The following DGKI variants were observed in gnomAD, a reference collection of about 807,000 sequenced individuals.
DGKI encodes diacylglycerol kinase iota, also known as DAG kinase iota.
A neutral mutation model predicts 147.5 loss-of-function variants in DGKI; 55 were observed. The ratio of observed to expected loss-of-function variants is 0.37; its 90% CI spans 0.30 to 0.47. The LOEUF is 0.47. Among genes scored for constraint, DGKI ranks in the 20% least tolerant of loss-of-function variants. The pLI is 1.00. For missense variants in DGKI, 1,007 were observed against 1,323.8 expected (o/e 0.76, Z 3.71); for synonymous variants, 469 against 477.1 (o/e 0.98, Z 0.22).
chr7:137,747,377 G>C (rs923726636), intron 1 of DGKI, among the ~76,000 whole-genome samples: 1 of 152,170 alleles, frequency 6.6e-6, no homozygotes, highest in Non-Finnish European at 1.5e-5. Flanking sequence ...ATTGAGGCAG[G>C]AAAATAGGGT....
chr7:137,514,694 C>T lies in DGKI; in HGVS notation c.2248+7172G>A, dbSNP rs530289471. Among the ~76,000 whole-genome samples, 241 of 152,254 alleles carry T rather than the reference C, an allele frequency of 1.6e-3. 6 individuals carry two copies. The South Asian group carries it at 0.046, about 29-fold the overall frequency. Reference sequence around the variant, plus strand: ...AATTTTACACTCTTATGCAATACAGCGAATCCATCATCTCATCCTACCAGC... The same window carrying T: ...AATTTTACACTCTTATGCAATACAGTGAATCCATCATCTCATCCTACCAGC... On this transcript the variant is annotated intron_variant, in intron 21 of 32. Transcript: ENST00000614521.
chr7:137,540,141 T>C lies in DGKI; in HGVS notation c.2147+12228A>G, dbSNP rs1047526891. ...AAATCTTGTGGCTCTGAGAGTTTCATTGGTAAATTCTAACAAACATATAAA... is the reference window on the plus strand; with the variant it reads ...AAATCTTGTGGCTCTGAGAGTTTCACTGGTAAATTCTAACAAACATATAAA... On this transcript the variant is annotated intron_variant, in intron 20 of 32. Coordinates refer to ENST00000614521, the MANE Select transcript of DGKI (RefSeq NM_001321708.2). Among the ~76,000 whole-genome samples the C allele has an allele frequency of 9.8e-5, 15 of 152,358 alleles. 1 individual carries two copies. The highest frequency in any genetic ancestry group is 3.4e-4 in the African/African-American group (14 of 41,592).
chr7:137,680,356 A>G (rs1823193982), intron 2 of DGKI, among the ~76,000 whole-genome samples: 1 of 152,226 alleles, frequency 6.6e-6, no homozygotes, highest in South Asian at 2.1e-4. Flanking sequence ...TGACTTCAAT[A>G]AGAAATTCTA....
At chr7:137,711,257 C>G (rs1364280047) in intron 1 of DGKI, among the ~76,000 whole-genome samples, 1 of 152,066 alleles carries the variant, frequency 6.6e-6, no homozygotes, top group Non-Finnish European at 1.5e-5. Context: ...GATATGCACC[C>G]TAGATAATCT....
At chr7:137,444,128 AATATTT>A in intron 27 of DGKI, 26 bp from the exon 28 acceptor site, 1 of 1,267,684 alleles carries the variant, frequency 7.9e-7, no homozygotes, top group African/African-American at 1.5e-5. Context: ...AAGCATGATC[AATATTT>A]TATATGATAA....
intron 1 of DGKI, among the ~76,000 whole-genome samples, chr7:137,733,692 A>T (rs1794946559): frequency 6.6e-6 from 1 of 152,140 alleles, no homozygotes; most frequent in Non-Finnish European, 1.5e-5. Flanking sequence ...ATGAACAATA[A>T]GTAAATCATG....
At chr7:137,520,047 G>A (rs1226520885) in intron 21 of DGKI, among the ~76,000 whole-genome samples, 1 of 151,988 alleles carries the variant, frequency 6.6e-6, no homozygotes, top group Non-Finnish European at 1.5e-5. Context: ...CATATGCTGA[G>A]TAAAGCCCTT....
At chr7:137,645,231 C>A (rs1821783098) in intron 6 of DGKI, among the ~76,000 whole-genome samples, 1 of 152,236 alleles carries the variant, frequency 6.6e-6, no homozygotes, top group African/African-American at 2.4e-5. Flanking sequence ...CAATGAAATT[C>A]ACTGTAAGAA....
At chr7:137,726,470 T>C (rs1291153910) in intron 1 of DGKI, among the ~76,000 whole-genome samples, 1 of 152,224 alleles carries the variant, frequency 6.6e-6, no homozygotes, top group Admixed American at 6.5e-5. Context: ...AAAACAACTC[T>C]GTTAGACCGA....
At chr7:137,503,267 A>G (rs1816245620) in intron 21 of DGKI, among the ~76,000 whole-genome samples, 1 of 152,192 alleles carries the variant, frequency 6.6e-6, no homozygotes, top group Non-Finnish European at 1.5e-5. Context: ...AATTGTGAGC[A>G]GATGCTAATT....
intron 12 of DGKI, among the ~76,000 whole-genome samples, chr7:137,590,691 T>A (rs1469471001): frequency 2.0e-5 from 3 of 151,944 alleles, no homozygotes; most frequent in African/African-American, 7.3e-5. Context: ...ATCGATGCTG[T>A]GTTGTTGTTT....
chr7:137,395,208 T>C (rs1585072368), intron 32 of DGKI, among the ~76,000 whole-genome samples: 1 of 152,182 alleles, frequency 6.6e-6, no homozygotes, highest in Admixed American at 6.5e-5. Flanking sequence ...TTAAAACACG[T>C]TGGAGTAAGT....
chr7:137,567,193 G>A (rs1047028080), intron 19 of DGKI, among the ~76,000 whole-genome samples: 1 of 151,276 alleles, frequency 6.6e-6, no homozygotes, highest in Admixed American at 6.6e-5. Flanking sequence ...GAACTCGGGA[G>A]GCAGAGGTTA....
chr7:137,771,748 C>G (rs1451781223), intron 1 of DGKI: 1 of 152,170 alleles, frequency 6.6e-6, no homozygotes, highest in Non-Finnish European at 1.5e-5. Context: ...CAGATTCATT[C>G]AAATATGTCT....
intron 1 of DGKI, among the ~76,000 whole-genome samples, chr7:137,741,239 G>A (rs1795164813): frequency 6.6e-6 from 1 of 152,060 alleles, no homozygotes; most frequent in African/African-American, 2.4e-5. Flanking sequence ...ATTAGTAAAA[G>A]ATAATAAGAG....
intron 19 of DGKI, among the ~76,000 whole-genome samples, chr7:137,564,215 A>G (rs1335856889): frequency 6.6e-6 from 1 of 152,238 alleles, no homozygotes; most frequent in Non-Finnish European, 1.5e-5. Context: ...TACACAATAC[A>G]CAAAAATTAA....
Position 137,463,570 on chromosome 7 carries a change from A to G in DGKI, c.2654T>C (p.Leu885Pro), listed in dbSNP as rs772728730. Residue 885 changes from leucine (L) to proline (P), a missense_variant, in exon 27 of 33, where the codon CTG becomes CCG. By Grantham distance (98) the Leu-to-Pro change is moderately conservative (BLOSUM62 -3). Coordinates refer to ENST00000614521, the MANE Select transcript of DGKI (RefSeq NM_001321708.2). ...WWNPALRKRMLSDSGLGMIAP... is the reference protein window; with the variant it reads ...WWNPALRKRMPSDSGLGMIAP... ...TATCATCCCCAGCCCACTGTCACTC[A>G]GCATGCGTTTCCGCAGGGCAGGATT... 6.2e-7 allele frequency: 1 copy of G among 1,614,202 alleles called. No individual in the cohort carries two copies. The highest frequency in any genetic ancestry group is 1.7e-5 in the Admixed American group (1 of 60,030).
chr7:137,654,364 A>T (rs1380061150), intron 5 of DGKI, among the ~76,000 whole-genome samples: 1 of 152,204 alleles, frequency 6.6e-6, no homozygotes, highest in Non-Finnish European at 1.5e-5. Flanking sequence ...CTCAAAATTG[A>T]AAAATGCACT....
intron 27 of DGKI, among the ~76,000 whole-genome samples, chr7:137,454,121 G>A (rs1276348550): frequency 6.6e-6 from 1 of 151,934 alleles, no homozygotes; most frequent in African/African-American, 2.4e-5. Context: ...CACAGAGAGT[G>A]CATATTAAGT....
Sources: gnomAD v4.1 joint callset for allele counts (sites outside exome capture counted in the v4.1 genomes callset) on GRCh38, gnomAD v4.1.1 for gene constraint, MANE v1.5 for transcripts, NCBI Gene and HGNC (gene_info 2026-07-23, HGNC 2026-07-21) for gene names.